Variants in DCBLD2 observed in about 807,000 individuals in gnomAD.
DCBLD2 encodes discoidin, CUB and LCCL domain-containing protein 2.
DCBLD2 carries 54 observed loss-of-function variants against 86.8 expected under a neutral mutation model. The observed-to-expected ratio is 0.62, with a 90% CI of 0.50 to 0.78. The LOEUF is 0.78. DCBLD2 is among the 30% of genes least tolerant of loss of function. The probability of loss-of-function intolerance (pLI) is 0.00; values close to 1 mark genes in which losing one functional copy is unlikely to be tolerated. For missense variants in DCBLD2, 908 were observed against 954.2 expected, an observed-to-expected ratio of 0.95 and a Z score of 0.64; for synonymous variants, 354 against 341.3, an observed-to-expected ratio of 1.04 and a Z score of -0.41.
At chr3:98,891,646 G>A (rs1212390799) in intron 1 of DCBLD2, among the ~76,000 whole-genome samples, 1 of 151,964 alleles carries the variant, frequency 6.6e-6, no homozygotes, top group Non-Finnish European at 1.5e-5. Flanking sequence ...TCATAATCTG[G>A]CCCCTGATTC....
chr3:98,822,679 C>A lies in DCBLD2; in HGVS notation c.686G>T (p.Gly229Val). 2 of 1,589,758 alleles carry A rather than the reference C, an allele frequency of 1.3e-6. No homozygotes were observed. Among genetic ancestry groups the A allele is most frequent in the Non-Finnish European group, 1.7e-6 (2 of 1,167,476 alleles). The change falls in exon 5 of 16, where the codon GGA becomes GTA. Residue 229 changes from glycine (G) to valine (V), a missense_variant. Physicochemically the swap from Gly to Val is moderately radical, Grantham distance 109. Coordinates refer to ENST00000326840, the MANE Select transcript of DCBLD2 (RefSeq NM_080927.4). ...FAEISGTIPH[G>V]YRDSSPLCMA... Reference sequence around the variant, plus strand: ...TTATATCTGGCTTACATCTCTATATCCATGAGGAATTGTTCCAGATATCTC... The same window carrying A: ...TTATATCTGGCTTACATCTCTATATACATGAGGAATTGTTCCAGATATCTC...
chr3:98,870,736 A>AAAG (rs1553731613), intron 2 of DCBLD2, among the ~76,000 whole-genome samples: 2 of 84,664 alleles, frequency 2.4e-5, no homozygotes, highest in South Asian at 4.1e-4. Flanking sequence ...GAAAAGAAAG[A>AAAG]AAAAGAAAGA....
chr3:98,900,951 A>G (rs1943837334), intron 1 of DCBLD2, 171 bp downstream of exon 1: 1 of 1,185,806 alleles, frequency 8.4e-7, no homozygotes, highest in South Asian at 1.6e-5. Context: ...TGGGGGACAG[A>G]CGGGCAAGAC....
At chr3:98,889,314 T>C (rs1943615176) in intron 1 of DCBLD2, among the ~76,000 whole-genome samples, 1 of 151,998 alleles carries the variant, frequency 6.6e-6, no homozygotes, top group South Asian at 2.1e-4. Flanking sequence ...TATTTGGTGG[T>C]ACTCAAAGTC....
At chr3:98,849,723 T>C in intron 2 of DCBLD2, 125 bp from the exon 3 acceptor site, 2 of 1,034,348 alleles carry the variant, frequency 1.9e-6, no homozygotes. Flanking sequence ...GAATAATGAC[T>C]AAAATGTTTA....
At chr3:98,863,412 C>T (rs1336202494) in intron 2 of DCBLD2, among the ~76,000 whole-genome samples, 1 of 152,214 alleles carries the variant, frequency 6.6e-6, no homozygotes, top group Non-Finnish European at 1.5e-5. Flanking sequence ...CAAGACAATC[C>T]TAAGCCAAAA....
chr3:98,843,107 T>C (rs916148258), intron 3 of DCBLD2, among the ~76,000 whole-genome samples: 2 of 152,204 alleles, frequency 1.3e-5, no homozygotes, highest in Admixed American at 1.3e-4. Context: ...TAAATTCTCT[T>C]TCTCTGCAAA....
At chr3:98,854,844 T>C (rs563240721) in intron 2 of DCBLD2, among the ~76,000 whole-genome samples, 1 of 152,166 alleles carries the variant, frequency 6.6e-6, no homozygotes, top group Non-Finnish European at 1.5e-5. Flanking sequence ...ACAACACAGA[T>C]AAAAATCAAT....
In DCBLD2 at chr3:98,849,595, T is replaced by G. The variant is rs757224670; in HGVS notation, c.437A>C (p.Lys146Thr). 1.2e-6 allele frequency: 2 copies of G among 1,608,658 alleles called. No homozygotes were observed. Among genetic ancestry groups the G allele is most frequent in the African/African-American group, 2.7e-5 (2 of 74,860 alleles). Residue 146 changes from lysine (K) to threonine (T), a missense_variant, in exon 3 of 16, where the codon AAA becomes ACA. Lys to Thr is a moderately conservative substitution (Grantham distance 78). This residue lies in a region of DCBLD2 where 294 missense variants were observed against 256.0 expected (regional missense o/e 1.15). Coordinates refer to ENST00000326840, the MANE Select transcript of DCBLD2 (RefSeq NM_080927.4). The part of the protein sequence containing the change: ...GIGVSRTEIG[K>T]YCGLGLQMNH... Reference sequence around the variant, plus strand: ...CATTTGCAACCCCAGACCACAGTATTTGCCTAGGAATGAAAGAAAAGCAGA... The same window carrying G: ...CATTTGCAACCCCAGACCACAGTATGTGCCTAGGAATGAAAGAAAAGCAGA...
At chr3:98,899,701 T>C (rs1943815386) in intron 1 of DCBLD2, among the ~76,000 whole-genome samples, 1 of 152,118 alleles carries the variant, frequency 6.6e-6, no homozygotes, top group African/African-American at 2.4e-5. Context: ...TATGGAGTAA[T>C]ATGCCCTCCT....
At chr3:98,808,528 C>A (rs1576156524) in intron 12 of DCBLD2, among the ~76,000 whole-genome samples, 2 of 151,924 alleles carry the variant, frequency 1.3e-5, no homozygotes, top group East Asian at 3.8e-4. Context: ...AAGCCAAATC[C>A]AAACATTTAA....
intron 9 of DCBLD2, among the ~76,000 whole-genome samples, chr3:98,816,595 C>T (rs1442268384): frequency 6.6e-6 from 1 of 151,796 alleles, no homozygotes; most frequent in African/African-American, 2.4e-5. Flanking sequence ...AAGAAAGAGG[C>T]CTTGAATAAA....
intron 3 of DCBLD2, among the ~76,000 whole-genome samples, chr3:98,835,829 G>A (rs1283445807): frequency 2.6e-5 from 4 of 151,646 alleles, no homozygotes; most frequent in Non-Finnish European, 4.4e-5. Flanking sequence ...GGATTATAGC[G>A]TGAGCCACCA....
chr3:98,805,202 A>G (rs944779002), intron 13 of DCBLD2: 3 of 152,166 alleles, frequency 2.0e-5, no homozygotes, highest in African/African-American at 4.8e-5. Context: ...GCGTAGGTAT[A>G]CTTATTTCAT....
At chr3:98,838,696 G>A (rs138229458) in intron 3 of DCBLD2, among the ~76,000 whole-genome samples, 21,688 of 152,054 alleles carry the variant, frequency 0.14, 1,583 homozygotes, top group Middle Eastern at 0.18. Context: ...CAAGGCAGGC[G>A]GCTGGGAGGT....
chr3:98,837,985 A>C (rs1576172922), intron 3 of DCBLD2, among the ~76,000 whole-genome samples: 1 of 48,748 alleles, frequency 2.1e-5, no homozygotes, highest in Non-Finnish European at 4.0e-5. Flanking sequence ...ACTTCCCAGT[A>C]GGGGCGGCCG....
rs532020985 is a variant in DCBLD2, at chr3:98,857,516, T to C, written c.434-7918A>G. On this transcript the variant is annotated intron_variant, in intron 2 of 15. Coordinates refer to ENST00000326840, the MANE Select transcript of DCBLD2 (RefSeq NM_080927.4). ...TTGGTCCGTTATGACAGGGTGCTGA[T>C]TGGTGCGTTTACAATCCCTGAGCTA... Among the ~76,000 whole-genome samples the C allele has an allele frequency of 3.9e-5, 6 of 152,284 alleles. No homozygotes were observed. The East Asian group carries it at 7.7e-4, about 20-fold the overall frequency.
chr3:98,874,637 T>C (rs939062559), intron 2 of DCBLD2, among the ~76,000 whole-genome samples: 2 of 152,236 alleles, frequency 1.3e-5, no homozygotes, highest in African/African-American at 4.8e-5. Context: ...CAACTCTTAA[T>C]ATGACTAGAG....
intron 2 of DCBLD2, among the ~76,000 whole-genome samples, chr3:98,866,662 T>C (rs1329289074): frequency 6.6e-6 from 1 of 152,240 alleles, no homozygotes; most frequent in African/African-American, 2.4e-5. Flanking sequence ...AGGTTGCCTG[T>C]TCACTCTGAT....
Sources: gnomAD v4.1 joint callset for allele counts (sites outside exome capture counted in the v4.1 genomes callset) on GRCh38, gnomAD v4.1.1 for gene constraint, gnomAD v4.1.1 regional missense constraint, MANE v1.5 for transcripts, NCBI Gene and HGNC (gene_info 2026-07-23, HGNC 2026-07-21) for gene names.